ADAMTS2: variants seen among roughly 807,000 people sequenced by gnomAD.
ADAMTS2 encodes ADAM metallopeptidase with thrombospondin type 1 motif 2.
Under a neutral mutation model 123.0 loss-of-function variants are expected in ADAMTS2, and 50 were observed. That is an observed-to-expected ratio of 0.41 (90% CI 0.32 to 0.51). ADAMTS2 has a LOEUF of 0.51. Among genes scored for constraint, ADAMTS2 ranks in the 20% least tolerant of loss-of-function variants. ADAMTS2 has a pLI of 0.35. For synonymous variants in ADAMTS2, 678 were observed against 695.4 expected, an observed-to-expected ratio of 0.98 and a Z score of 0.39; for missense variants, 1,494 against 1,705.2, an observed-to-expected ratio of 0.88 and a Z score of 2.18.
intron 3 of ADAMTS2, among the ~76,000 whole-genome samples, chr5:179,213,102 G>A (rs1443370765): frequency 1.3e-5 from 2 of 152,094 alleles, no homozygotes; most frequent in African/African-American, 4.8e-5. Flanking sequence ...ACAGGGGCCG[G>A]GGCAGGGATG....
chr5:179,146,482 G>A (rs761787146), intron 10 of ADAMTS2, among the ~76,000 whole-genome samples: 3 of 152,230 alleles, frequency 2.0e-5, no homozygotes, highest in Non-Finnish European at 2.9e-5. Flanking sequence ...AGCAGTTGCC[G>A]TGGACGCCCT....
chr5:179,244,497 T>C (rs1765738678), intron 3 of ADAMTS2, among the ~76,000 whole-genome samples: 1 of 152,182 alleles, frequency 6.6e-6, no homozygotes, highest in African/African-American at 2.4e-5. Flanking sequence ...TTATCAGACA[T>C]ACTAAAGGAA....
intron 2 of ADAMTS2, among the ~76,000 whole-genome samples, chr5:179,333,046 G>A (rs1364024159): frequency 1.3e-5 from 2 of 152,178 alleles, no homozygotes; most frequent in Non-Finnish European, 2.9e-5. Context: ...GCCATGCGAC[G>A]GCGGCTGCCT....
chr5:179,222,272 C>T (rs1034135239), intron 3 of ADAMTS2, among the ~76,000 whole-genome samples: 2 of 152,190 alleles, frequency 1.3e-5, no homozygotes, highest in African/African-American at 2.4e-5. Context: ...ACCCAGACCA[C>T]GGTGTTGACG....
intron 2 of ADAMTS2, among the ~76,000 whole-genome samples, chr5:179,306,134 A>T (rs1296672194): frequency 1.4e-5 from 2 of 145,412 alleles, no homozygotes; most frequent in Admixed American, 6.9e-5. Context: ...ACAGTTCAAT[A>T]AAAAAAAAAA....
At chr5:179,340,334 G>A (rs190246830) in intron 2 of ADAMTS2, among the ~76,000 whole-genome samples, 2 of 152,274 alleles carry the variant, frequency 1.3e-5, no homozygotes. Context: ...CCCAGCTGCA[G>A]TCCCCCACCA....
intron 2 of ADAMTS2, among the ~76,000 whole-genome samples, chr5:179,275,464 A>G (rs1766669364): frequency 6.6e-6 from 1 of 152,142 alleles, no homozygotes; most frequent in African/African-American, 2.4e-5. Context: ...GGTAGTGGAC[A>G]TGGTGGAAAG....
In ADAMTS2 at chr5:179,332,195, C is replaced by A. The variant is rs1022264514; in HGVS notation, c.534+11572G>T. ...TTCCAGTTGATTATTAAAGACACAA[C>A]CCAGGAACAGCTGCATGGGAGGGAT... On this transcript the variant is annotated intron_variant, in intron 2 of 21. Coordinates refer to ENST00000251582, the MANE Select transcript of ADAMTS2 (RefSeq NM_014244.5). The surrounding 1 kb of genome is among the most constrained non-coding windows in gnomAD (Gnocchi z 4.2). Among the ~76,000 whole-genome samples the A allele has an allele frequency of 6.6e-6, 1 of 152,194 alleles. No individual in the cohort carries two copies. Among genetic ancestry groups the A allele is most frequent in the Non-Finnish European group, 1.5e-5 (1 of 68,038 alleles).
At chr5:179,182,997 C>G (rs1398645488) in intron 4 of ADAMTS2, among the ~76,000 whole-genome samples, 1 of 152,214 alleles carries the variant, frequency 6.6e-6, no homozygotes, top group Non-Finnish European at 1.5e-5. Context: ...GCAGTCCCCC[C>G]ATCACAAAGC....
At position 179,202,344 on chromosome 5, in the gene ADAMTS2, C is replaced by T. The variant is rs1377683833; in HGVS notation, c.891+5169G>A. The stretch of plus-strand genomic sequence containing the variant: ...TATCCTACCTCTTCCCACATCCTTC[C>T]GTTGTCGTGAGCCTCTGCTCCCGTG... On this transcript the variant is annotated intron_variant, in intron 4 of 21. Coordinates refer to ENST00000251582, the MANE Select transcript of ADAMTS2 (RefSeq NM_014244.5). This position sits in a 1 kb window ranked among gnomAD's most constrained non-coding sequence, Gnocchi z 4.0. 6.6e-6 allele frequency among the ~76,000 whole-genome samples: 1 copy of T among 152,074 alleles called. No individual in the cohort carries two copies. Among genetic ancestry groups the T allele is most frequent in the Non-Finnish European group, 1.5e-5 (1 of 68,016 alleles).
chr5:179,136,580 G>A (rs780016888), intron 12 of ADAMTS2, among the ~76,000 whole-genome samples: 6 of 150,826 alleles, frequency 4.0e-5, no homozygotes, highest in Non-Finnish European at 5.9e-5. Context: ...CAGGAGAATC[G>A]CTTGAACCCA....
chr5:179,300,779 T>C (rs1418306096), intron 2 of ADAMTS2, among the ~76,000 whole-genome samples: 1 of 152,198 alleles, frequency 6.6e-6, no homozygotes, highest in Admixed American at 6.5e-5. Context: ...AACACGATGA[T>C]ATTATTTTAT....
At chr5:179,280,763 A>T (rs6882225) in intron 2 of ADAMTS2, among the ~76,000 whole-genome samples, 4,722 of 152,254 alleles carry the variant, frequency 0.031, 273 homozygotes, top group African/African-American at 0.11. Context: ...GCTGGTAAAG[A>T]TCTGTCAGCA....
chr5:179,213,931 T>C (rs1344574241), intron 3 of ADAMTS2, among the ~76,000 whole-genome samples: 1 of 152,226 alleles, frequency 6.6e-6, no homozygotes, highest in Non-Finnish European at 1.5e-5. Context: ...ACAAGTCTGA[T>C]ACAGCATTAG....
At chr5:179,167,297 C>T (rs1196354166) in intron 5 of ADAMTS2, among the ~76,000 whole-genome samples, 2 of 151,940 alleles carry the variant, frequency 1.3e-5, no homozygotes, top group African/African-American at 4.8e-5. Flanking sequence ...GCTGCTGCCG[C>T]GAGAACAGCG....
Position 179,128,244 on chromosome 5 carries a change from G to A in ADAMTS2, c.2458-126C>T. On this transcript the variant is annotated intron_variant, in intron 16 of 21. Transcript: ENST00000251582. This position sits in a 1 kb window ranked among gnomAD's most constrained non-coding sequence, Gnocchi z 4.9. ...ATCATTCATGGCAGTTACATTCCAT[G>A]AAGTCGCCCCGAGCACCAAATTCTT... is the stretch of plus-strand genomic sequence containing the variant. The A allele has an allele frequency of 8.0e-7, 1 of 1,246,150 alleles. No individual in the cohort carries two copies. 77.2% of individuals were successfully genotyped at this position (1,246,150 alleles called of 1,614,324 possible). A position where few individuals can be genotyped will look rare whatever the true frequency, so the allele number is the denominator to read the frequency against.
At chr5:179,168,719 A>G (rs1039667367) in intron 5 of ADAMTS2, among the ~76,000 whole-genome samples, 1 of 152,294 alleles carries the variant, frequency 6.6e-6, no homozygotes, top group East Asian at 1.9e-4. Context: ...GCCAGAATGA[A>G]TGGCAGGGAC....
chr5:179,272,993 C>T lies in ADAMTS2; in HGVS notation c.606G>A (p.Glu202=). ...CCACATGCACACGGCCTTGCTCAGC[C>T]TCCTGCGCCGCCAGCCCCTTCTCCA... ...EPLEKGLAAQ[E]AEQGRVHVVY... The change falls in exon 3 of 22, where the codon GAG becomes GAA. Residue 202 remains glutamate, a synonymous_variant. Transcript: ENST00000251582. The surrounding 1 kb of genome is among the most constrained non-coding windows in gnomAD (Gnocchi z 5.8). 1 of 1,613,314 alleles carries T rather than the reference C, an allele frequency of 6.2e-7. No homozygotes were observed. Among genetic ancestry groups the T allele is most frequent in the Non-Finnish European group, 8.5e-7 (1 of 1,180,038 alleles).
chr5:179,345,148 G>T lies in ADAMTS2; in HGVS notation c.139+42C>A. The T allele has an allele frequency of 9.3e-7, 1 of 1,078,652 alleles. No individual in the cohort carries two copies. Among genetic ancestry groups the T allele is most frequent in the African/African-American group, 1.7e-5 (1 of 59,436 alleles). 66.8% of individuals were successfully genotyped at this position (1,078,652 alleles called of 1,614,324 possible). A position where few individuals can be genotyped will look rare whatever the true frequency, so the allele number is the denominator to read the frequency against. On this transcript the variant is annotated intron_variant, in intron 1 of 21. Transcript: ENST00000251582. This position sits in a 1 kb window ranked among gnomAD's most constrained non-coding sequence, Gnocchi z 7.5. ...GGCGGGGCACGCGGGACAGGGCCAG[G>T]CCGGCGGGGGTCCCGGGGAGTAGGG...
Sources: allele counts gnomAD v4.1 joint callset (sites outside exome capture counted in the v4.1 genomes callset), GRCh38; gene constraint gnomAD v4.1.1; non-coding constraint Gnocchi (gnomAD v3.1); transcripts MANE v1.5; gene names NCBI Gene and HGNC (gene_info 2026-07-23, HGNC 2026-07-21).